ABAT: variants seen among roughly 807,000 people sequenced by gnomAD.
ABAT encodes the protein 4-aminobutyrate aminotransferase.
Under a neutral mutation model 64.6 loss-of-function variants are expected in ABAT, and 45 were observed. The ratio of observed to expected loss-of-function variants is 0.70; its 90% CI spans 0.55 to 0.89. The LOEUF is 0.89. Ranked by LOEUF, ABAT falls within the 40% of genes least tolerant of loss-of-function variation. The pLI, the probability that ABAT is intolerant of heterozygous loss-of-function variation, is 0.00. For missense variants in ABAT, 633 were observed against 658.4 expected (o/e 0.96, Z 0.42); for synonymous variants, 297 against 250.5 (o/e 1.19, Z -1.75).
chr16:8,746,116 G>C lies in ABAT; in HGVS notation c.168+18G>C, dbSNP rs1249076078. The C allele has an allele frequency of 6.3e-7, 1 of 1,598,630 alleles. No homozygotes were observed. Among genetic ancestry groups the C allele is most frequent in the African/African-American group, 1.3e-5 (1 of 74,598 alleles). On this transcript the variant is annotated intron_variant, in intron 3 of 15. Coordinates refer to ENST00000268251, the MANE Select transcript of ABAT (RefSeq NM_020686.6). ...GATCTCAGGTGAGTTGAGCACACCT[G>C]AGTGGGGTATTTTGGAAAAGGGAAA... is the stretch of plus-strand genomic sequence containing the variant.
At chr16:8,716,350 AT>A (rs1431667812) in intron 1 of ABAT, among the ~76,000 whole-genome samples, 2 of 152,152 alleles carry the variant, frequency 1.3e-5, no homozygotes, top group Admixed American at 1.3e-4. Flanking sequence ...TCTGATGGGT[AT>A]TATGATATAT....
At chr16:8,765,052 C>T (rs2059905184) in intron 8 of ABAT, among the ~76,000 whole-genome samples, 1 of 152,094 alleles carries the variant, frequency 6.6e-6, no homozygotes, top group African/African-American at 2.4e-5. Context: ...GCAATGGGGG[C>T]TGGGCGCAGT....
At chr16:8,685,855 C>T (rs2057443636) in intron 1 of ABAT, among the ~76,000 whole-genome samples, 1 of 152,142 alleles carries the variant, frequency 6.6e-6, no homozygotes, top group African/African-American at 2.4e-5. Context: ...CTCAGAGACC[C>T]ATAGGGAACC....
In ABAT at chr16:8,776,894, A is replaced by T. The variant is rs2142998923; in HGVS notation, c.1269+404A>T. 6.7e-6 allele frequency among the ~76,000 whole-genome samples: 1 copy of T among 149,748 alleles called. No homozygotes were observed. The highest frequency in any genetic ancestry group is 2.0e-4 in the East Asian group (1 of 5,042). On this transcript the variant is annotated intron_variant, in intron 14 of 15. Transcript: ENST00000268251. This position sits in a 1 kb window ranked among gnomAD's most constrained non-coding sequence, Gnocchi z 4.4. ...TTATCTTTCTTATTTATTTTATTTT[A>T]TTTTATTTGTCTATTTATTTTTTGA...
intron 11 of ABAT, among the ~76,000 whole-genome samples, 185 bp downstream of exon 11, chr16:8,769,158 A>G (rs1394731092): frequency 1.3e-5 from 2 of 152,194 alleles, no homozygotes; most frequent in Non-Finnish European, 2.9e-5. Context: ...AGTTCGTGAG[A>G]CACACTGTTT....
intron 1 of ABAT, among the ~76,000 whole-genome samples, chr16:8,734,158 G>A (rs566390261): frequency 3.9e-5 from 6 of 152,222 alleles, no homozygotes; most frequent in Non-Finnish European, 7.4e-5. Context: ...GGATAATCAC[G>A]CCTGCCCCAT....
chr16:8,756,371 A>G (rs2059648713), intron 5 of ABAT, among the ~76,000 whole-genome samples: 1 of 152,252 alleles, frequency 6.6e-6, no homozygotes, highest in Admixed American at 6.5e-5. Flanking sequence ...CTTATTAATT[A>G]ACGTCAAACA....
At chr16:8,688,390 G>A (rs373895956) in intron 1 of ABAT, among the ~76,000 whole-genome samples, 1 of 152,126 alleles carries the variant, frequency 6.6e-6, no homozygotes, top group East Asian at 1.9e-4. Flanking sequence ...TCCAAACATG[G>A]GGTTATTGGA....
rs565299008 is a variant in ABAT, at chr16:8,698,373, C to G, written c.-42+23662C>G. On this transcript the variant is annotated intron_variant, in intron 1 of 15. Transcript: ENST00000268251. ...TTTGAGACGGAGTTCCACTTTTGTC[C>G]CCCAGGCTAGAGTGCAATGGCACGA... 1.3e-5 allele frequency among the ~76,000 whole-genome samples: 2 copies of G among 151,932 alleles called. 1 individual carries two copies. The highest frequency in any genetic ancestry group is 4.2e-4 in the South Asian group (2 of 4,806).
At chr16:8,699,197 G>GT (rs1162648818) in intron 1 of ABAT, among the ~76,000 whole-genome samples, 1 of 152,208 alleles carries the variant, frequency 6.6e-6, no homozygotes, top group Non-Finnish European at 1.5e-5. Flanking sequence ...CCACCTCCCA[G>GT]TGAGGGACTA....
At chr16:8,684,644 A>T (rs961916638) in intron 1 of ABAT, among the ~76,000 whole-genome samples, 1 of 151,674 alleles carries the variant, frequency 6.6e-6, no homozygotes, top group Non-Finnish European at 1.5e-5. Context: ...GCTTGAGTCA[A>T]GGAGGCCGAG....
At chr16:8,752,767 C>A (rs2059526121) in intron 5 of ABAT, among the ~76,000 whole-genome samples, 1 of 152,128 alleles carries the variant, frequency 6.6e-6, no homozygotes, top group South Asian at 2.1e-4. Flanking sequence ...GACCCTGTCT[C>A]AGTAAAAAAC....
chr16:8,779,443 G>A (rs1264959399), intron 14 of ABAT, 36 bp from the exon 15 acceptor site: 5 of 1,570,898 alleles, frequency 3.2e-6, no homozygotes, highest in Non-Finnish European at 3.5e-6. Flanking sequence ...CACAGGTGAT[G>A]GGCTTTGACG....
intron 1 of ABAT, among the ~76,000 whole-genome samples, chr16:8,734,424 G>T (rs963936320): frequency 6.6e-6 from 1 of 152,104 alleles, no homozygotes; most frequent in African/African-American, 2.4e-5. Context: ...GATTTTGTTG[G>T]AGTGTTTGGG....
At chr16:8,694,325 C>G (rs1273366) in intron 1 of ABAT, among the ~76,000 whole-genome samples, 63,014 of 150,874 alleles carry the variant, frequency 0.42, 13,360 homozygotes, top group East Asian at 0.66. Flanking sequence ...GCCCGGCCCA[C>G]TCCATCCATT....
In ABAT at chr16:8,737,989, G is replaced by GAAAGAA. The variant is rs397934923; in HGVS notation, c.70+2181_70+2182insAAGAAA. 2.1e-3 allele frequency among the ~76,000 whole-genome samples: 35 copies of GAAAGAA among 16,958 alleles called. 2 individuals are homozygous for GAAAGAA. Among genetic ancestry groups the GAAAGAA allele is most frequent in the African/African-American group, 9.1e-3 (35 of 3,856 alleles). The allele number at this position is 16,958 out of a possible 152,430, so 11.1% of individuals were successfully genotyped here. A position where few individuals can be genotyped will look rare whatever the true frequency, so the allele number is the denominator to read the frequency against. On this transcript the variant is annotated intron_variant, in intron 2 of 15. Coordinates refer to ENST00000268251, the MANE Select transcript of ABAT (RefSeq NM_020686.6). Reference sequence around the variant, plus strand: ...GGAAGGAAGGAAGGAAGGAAGGAAGGAGGAAAGAAAGAAAGAAAGAAAGAA... The same window carrying GAAAGAA: ...GGAAGGAAGGAAGGAAGGAAGGAAGGAAAGAAAGGAAAGAAAGAAAGAAAGAAAGAA...
At chr16:8,706,234 A>G (rs1467217781) in intron 1 of ABAT, among the ~76,000 whole-genome samples, 1 of 147,064 alleles carries the variant, frequency 6.8e-6, no homozygotes, top group Non-Finnish European at 1.5e-5. Flanking sequence ...TCTCTATAAA[A>G]AAAAATATAT....
chr16:8,735,535 C>A (rs1359026962), intron 1 of ABAT, among the ~76,000 whole-genome samples, 164 bp from the exon 2 acceptor site: 2 of 152,152 alleles, frequency 1.3e-5, no homozygotes, highest in Non-Finnish European at 2.9e-5. Context: ...TGTGAGCCAC[C>A]TTGCCTGGCC....
At chr16:8,737,796 C>T (rs1298607091) in intron 2 of ABAT, among the ~76,000 whole-genome samples, 1 of 148,808 alleles carries the variant, frequency 6.7e-6, no homozygotes, top group Non-Finnish European at 1.5e-5. Flanking sequence ...GGTGTGGTGG[C>T]AGGCACCTGT....
Sources: gnomAD v4.1 joint callset for allele counts (sites outside exome capture counted in the v4.1 genomes callset) on GRCh38, gnomAD v4.1.1 for gene constraint, Gnocchi (gnomAD v3.1) non-coding constraint, MANE v1.5 for transcripts, NCBI Gene and HGNC (gene_info 2026-07-23, HGNC 2026-07-21) for gene names.